The following ARHGAP6 variants were observed in gnomAD, a reference collection of about 807,000 sequenced individuals.
ARHGAP6 encodes the protein Rho GTPase activating protein 6.
In ARHGAP6, 16 loss-of-function variants were observed where a neutral mutation model predicts 55.7. The observed-to-expected ratio is 0.29, with a 90% CI of 0.19 to 0.44. The LOEUF is 0.44. Ranked by LOEUF, ARHGAP6 falls within the 20% of genes least tolerant of loss-of-function variation. The pLI is 1.00. For missense variants in ARHGAP6, 698 were observed against 808.9 expected (o/e 0.86, Z 1.66); for synonymous variants, 382 against 360.9 (o/e 1.06, Z -0.66).
intron 2 of ARHGAP6, among the ~76,000 whole-genome samples, chrX:11,207,333 G>A (rs1444305154): frequency 2.7e-5 from 3 of 110,637 alleles, no homozygotes; most frequent in African/African-American, 9.9e-5. Context: ...TGGCCTGGTT[G>A]GTATTGATTT....
intron 1 of ARHGAP6, among the ~76,000 whole-genome samples, chrX:11,340,610 T>G (rs1435235149): frequency 1.9e-5 from 2 of 107,398 alleles, no homozygotes; most frequent in African/African-American, 7.0e-5. Context: ...GCGCCTGTAG[T>G]CCCAGCTACT....
chrX:11,534,323 A>C (rs770461827), intron 1 of ARHGAP6, among the ~76,000 whole-genome samples: 37 of 111,704 alleles, frequency 3.3e-4, no homozygotes, highest in African/African-American at 1.2e-3. Context: ...GAAGATGCTT[A>C]CACCCTCACA....
chrX:11,521,033 A>T (rs2050919144), intron 1 of ARHGAP6, among the ~76,000 whole-genome samples: 1 of 111,332 alleles, frequency 9.0e-6, no homozygotes, highest in South Asian at 3.8e-4. Flanking sequence ...AATTTGTTTG[A>T]GTTCTTTGTA....
At chrX:11,644,658 T>C (rs2052509047) in intron 1 of ARHGAP6, among the ~76,000 whole-genome samples, 2 of 110,498 alleles carry the variant, frequency 1.8e-5, no homozygotes, top group Non-Finnish European at 3.8e-5. Context: ...ATACCACCTA[T>C]TAAAGTGAAA....
At chrX:11,248,840 G>T (rs756939993) in intron 2 of ARHGAP6, among the ~76,000 whole-genome samples, 1 of 111,898 alleles carries the variant, frequency 8.9e-6, no homozygotes, top group East Asian at 2.8e-4. Context: ...TAGTACAGCT[G>T]CTATAGAAAA....
chrX:11,462,979 G>A (rs1442029647), intron 1 of ARHGAP6, among the ~76,000 whole-genome samples: 2 of 112,422 alleles, frequency 1.8e-5, no homozygotes, highest in Admixed American at 9.4e-5. Context: ...TCTGCCCCAT[G>A]GCTGAGAAAT....
At chrX:11,394,514 G>A (rs2049452921) in intron 1 of ARHGAP6, among the ~76,000 whole-genome samples, 1 of 110,905 alleles carries the variant, frequency 9.0e-6, no homozygotes. Flanking sequence ...CTTAAACTGA[G>A]TAAATTTTAT....
At chrX:11,350,223 C>A (rs928622314) in intron 1 of ARHGAP6, among the ~76,000 whole-genome samples, 2 of 111,853 alleles carry the variant, frequency 1.8e-5, no homozygotes, top group African/African-American at 6.5e-5. Flanking sequence ...GTTTCACTCC[C>A]TCAAATATGT....
intron 1 of ARHGAP6, among the ~76,000 whole-genome samples, chrX:11,269,994 C>T (rs1354670282): frequency 1.8e-5 from 2 of 111,790 alleles, no homozygotes; most frequent in African/African-American, 6.5e-5. Context: ...CAGTCAAAAC[C>T]ACAATAAAGA....
chrX:11,665,898 C>G lies in ARHGAP6; in HGVS notation c.-1070G>C, dbSNP rs1366318749. ...GGCGAGGAGAGAAGGCAGCTCGCCACTGATACCGGGTCTCCTGGGGAGAAA... is the reference window on the plus strand; with the variant it reads ...GGCGAGGAGAGAAGGCAGCTCGCCAGTGATACCGGGTCTCCTGGGGAGAAA... On this transcript the variant is annotated 5_prime_UTR_variant, in exon 1 of 13. Coordinates refer to ENST00000337414, the MANE Select transcript of ARHGAP6 (RefSeq NM_013427.3). Among the ~76,000 whole-genome samples, 2 of 111,943 alleles carry G rather than the reference C, an allele frequency of 1.8e-5. No individual in the cohort carries two copies. Among genetic ancestry groups the G allele is most frequent in the Non-Finnish European group, 3.8e-5 (2 of 53,149 alleles).
intron 1 of ARHGAP6, among the ~76,000 whole-genome samples, chrX:11,264,568 T>C (rs2238905): frequency 0.15 from 16,845 of 111,210 alleles, 1,023 homozygotes; most frequent in Middle Eastern, 0.27. Context: ...TAATTCTCAG[T>C]TCTAAGCTTC....
Position 11,406,947 on chromosome X carries a change from AT to A in ARHGAP6, c.589-152241del, listed in dbSNP as rs2049617483. Among the ~76,000 whole-genome samples the A allele has an allele frequency of 2.7e-5, 3 of 110,464 alleles. No individual in the cohort carries two copies. In the South Asian group the frequency reaches 1.2e-3, roughly 43 times the overall value. ...GTGGAATAGACCATGCATGTCTAGC[AT>A]TGCTTGGCTTTCTTGGTTCATTTTT... On this transcript the variant is annotated intron_variant, in intron 1 of 12. Coordinates refer to ENST00000337414, the MANE Select transcript of ARHGAP6 (RefSeq NM_013427.3).
At chrX:11,259,990 T>G (rs1246667182) in intron 1 of ARHGAP6, among the ~76,000 whole-genome samples, 1 of 111,577 alleles carries the variant, frequency 9.0e-6, no homozygotes, top group Non-Finnish European at 1.9e-5. Context: ...ATGGGGAGAT[T>G]ATTCTGAATT....
chrX:11,528,765 G>GGGCCTACTTTGC (rs1483959168), intron 1 of ARHGAP6, among the ~76,000 whole-genome samples: 1 of 111,703 alleles, frequency 9.0e-6, no homozygotes, highest in Non-Finnish European at 1.9e-5. Flanking sequence ...AGTAGGCCAG[G>GGGCCTACTTTGC]TTTCCTTAAG....
At chrX:11,386,290 T>C (rs1275647554) in intron 1 of ARHGAP6, among the ~76,000 whole-genome samples, 1 of 113,061 alleles carries the variant, frequency 8.8e-6, no homozygotes, top group Non-Finnish European at 1.9e-5. Context: ...TTAGAAGAAC[T>C]AACTGAGGAA....
intron 1 of ARHGAP6, among the ~76,000 whole-genome samples, chrX:11,277,992 G>T (rs1040333448): frequency 1.8e-5 from 2 of 111,462 alleles, no homozygotes; most frequent in Non-Finnish European, 3.8e-5. Context: ...AAAGCCAGAA[G>T]AATTTAATAC....
At chrX:11,510,323 C>G (rs1272246099) in intron 1 of ARHGAP6, among the ~76,000 whole-genome samples, 2 of 111,180 alleles carry the variant, frequency 1.8e-5, no homozygotes, top group Non-Finnish European at 3.8e-5. Context: ...TAGGCGGCAC[C>G]AGTGGCCCCA....
At chrX:11,185,801 C>T (rs2046379795) in intron 5 of ARHGAP6, among the ~76,000 whole-genome samples, 1 of 111,982 alleles carries the variant, frequency 8.9e-6, no homozygotes, top group Admixed American at 9.5e-5. Context: ...ATTTTCTATT[C>T]ACTTAAGCAA....
intron 2 of ARHGAP6, among the ~76,000 whole-genome samples, chrX:11,252,332 A>AT (rs200197455): frequency 1.6e-4 from 18 of 110,742 alleles, no homozygotes; most frequent in South Asian, 3.8e-4. Context: ...CAATATTGCC[A>AT]TTTTTTTTTC....
Sources: gnomAD v4.1 joint callset for allele counts (sites outside exome capture counted in the v4.1 genomes callset) on GRCh38, gnomAD v4.1.1 for gene constraint, MANE v1.5 for transcripts, NCBI Gene and HGNC (gene_info 2026-07-23, HGNC 2026-07-21) for gene names.